CADPS2: variants seen among roughly 807,000 people sequenced by gnomAD.
CADPS2 encodes calcium-dependent secretion activator 2.
Under a neutral mutation model 172.5 loss-of-function variants are expected in CADPS2, and 93 were observed. That is an observed-to-expected ratio of 0.54 (90% CI 0.46 to 0.64). The LOEUF is 0.64. Ranked by LOEUF, CADPS2 falls within the 30% of genes least tolerant of loss-of-function variation. The probability of loss-of-function intolerance (pLI) is 0.00; values close to 1 mark genes in which losing one functional copy is unlikely to be tolerated. For missense variants in CADPS2, 1,420 were observed against 1,565.9 expected (o/e 0.91, Z 1.57); for synonymous variants, 546 against 555.2 (o/e 0.98, Z 0.23).
intron 1 of CADPS2, among the ~76,000 whole-genome samples, chr7:122,810,717 A>C (rs1799842617): frequency 6.6e-6 from 1 of 152,126 alleles, no homozygotes; most frequent in Non-Finnish European, 1.5e-5. Context: ...CAGCTTCATG[A>C]GTAGCTGGGA....
chr7:122,463,314 A>G (rs1437627896), intron 14 of CADPS2, among the ~76,000 whole-genome samples: 1 of 140,414 alleles, frequency 7.1e-6, no homozygotes, highest in Non-Finnish European at 1.5e-5. Flanking sequence ...AAAAATCTTC[A>G]TATTCTTAGA....
chr7:122,846,093 T>C (rs1318390732), intron 1 of CADPS2, among the ~76,000 whole-genome samples: 2 of 152,238 alleles, frequency 1.3e-5, no homozygotes, highest in East Asian at 3.9e-4. Context: ...TTTATTGTAA[T>C]GCAGGGTACT....
chr7:122,802,728 G>A (rs1294028888), intron 1 of CADPS2, among the ~76,000 whole-genome samples: 1 of 152,040 alleles, frequency 6.6e-6, no homozygotes, highest in Non-Finnish European at 1.5e-5. Context: ...AATTCTTAAA[G>A]CACGTGTCTA....
At chr7:122,567,051 G>A (rs1322749628) in intron 7 of CADPS2, among the ~76,000 whole-genome samples, 1 of 152,148 alleles carries the variant, frequency 6.6e-6, no homozygotes, top group Non-Finnish European at 1.5e-5. Flanking sequence ...GGAAAGTGAA[G>A]AGATTGGATT....
chr7:122,368,612 G>C (rs752639074), intron 25 of CADPS2, among the ~76,000 whole-genome samples: 1 of 152,114 alleles, frequency 6.6e-6, no homozygotes, highest in South Asian at 2.1e-4. Flanking sequence ...GCTTTGATTG[G>C]TGTTATATTT....
intron 11 of CADPS2, among the ~76,000 whole-genome samples, chr7:122,484,992 G>A (rs2402613): frequency 0.35 from 52,645 of 151,876 alleles, 9,203 homozygotes; most frequent in Admixed American, 0.37. Flanking sequence ...GTCATCTGTG[G>A]AAAGTGATCT....
chr7:122,392,769 T>G (rs1408327101), intron 22 of CADPS2, among the ~76,000 whole-genome samples: 1 of 152,126 alleles, frequency 6.6e-6, no homozygotes, highest in Admixed American at 6.6e-5. Context: ...AGAAAAATAT[T>G]ATATTCTTGA....
chr7:122,771,171 G>C (rs895307015), intron 1 of CADPS2, among the ~76,000 whole-genome samples: 6 of 152,324 alleles, frequency 3.9e-5, no homozygotes, highest in Admixed American at 3.9e-4. Context: ...AGTAGGAGTT[G>C]ACAGCTGCAG....
intron 6 of CADPS2, among the ~76,000 whole-genome samples, chr7:122,588,619 T>G (rs992362801): frequency 6.6e-6 from 1 of 151,950 alleles, no homozygotes; most frequent in Non-Finnish European, 1.5e-5. Context: ...ACTCAAACAT[T>G]CAGTATTTAT....
At chr7:122,668,441 A>C (rs1299852509) in intron 2 of CADPS2, among the ~76,000 whole-genome samples, 1 of 151,916 alleles carries the variant, frequency 6.6e-6, no homozygotes, top group Non-Finnish European at 1.5e-5. Flanking sequence ...GAAAGAGTCA[A>C]GACAAAATCT....
At chr7:122,812,432 A>G (rs1800240896) in intron 1 of CADPS2, among the ~76,000 whole-genome samples, 1 of 151,284 alleles carries the variant, frequency 6.6e-6, no homozygotes, top group Admixed American at 6.6e-5. Context: ...AGAGAGAGAG[A>G]GAGAGAGCAA....
At chr7:122,353,735 G>A (rs1321346705) in intron 27 of CADPS2, among the ~76,000 whole-genome samples, 1 of 152,190 alleles carries the variant, frequency 6.6e-6, no homozygotes, top group African/African-American at 2.4e-5. Flanking sequence ...CCCACATAAT[G>A]CAGAAATCTT....
chr7:122,467,727 TC>T (rs2055345821), intron 14 of CADPS2, among the ~76,000 whole-genome samples: 1 of 152,156 alleles, frequency 6.6e-6, no homozygotes, highest in Admixed American at 6.5e-5. Flanking sequence ...TGTTGCTGCT[TC>T]AGTTTCTCCA....
intron 8 of CADPS2, among the ~76,000 whole-genome samples, chr7:122,538,039 A>G (rs2062490411): frequency 6.6e-6 from 1 of 151,804 alleles, no homozygotes; most frequent in South Asian, 2.1e-4. Flanking sequence ...AAGGTATTCA[A>G]AAATACCTCC....
At chr7:122,365,518 G>A (rs2040736792) in intron 25 of CADPS2, among the ~76,000 whole-genome samples, 1 of 152,164 alleles carries the variant, frequency 6.6e-6, no homozygotes, top group Non-Finnish European at 1.5e-5. Flanking sequence ...AGATTCCAAA[G>A]AAACCCAGTT....
At chr7:122,884,993 T>C (rs1454990341) in intron 1 of CADPS2, among the ~76,000 whole-genome samples, 1 of 152,242 alleles carries the variant, frequency 6.6e-6, no homozygotes, top group Admixed American at 6.5e-5. Flanking sequence ...TCTGTGCATG[T>C]AGGTATGCCT....
At chr7:122,642,038 G>C (rs559105076) in intron 3 of CADPS2, among the ~76,000 whole-genome samples, 21 of 152,112 alleles carry the variant, frequency 1.4e-4, no homozygotes, top group African/African-American at 4.8e-4. Flanking sequence ...CCAGCACTTT[G>C]GGAAGCTGAG....
intron 3 of CADPS2, among the ~76,000 whole-genome samples, chr7:122,656,926 G>T (rs1050926446): frequency 1.3e-5 from 2 of 152,144 alleles, no homozygotes; most frequent in Non-Finnish European, 2.9e-5. Flanking sequence ...TTCTTCTAGG[G>T]TTTTTATGGT....
chr7:122,636,466 T>A (rs1263173934), intron 3 of CADPS2, among the ~76,000 whole-genome samples: 2 of 85,634 alleles, frequency 2.3e-5, no homozygotes, highest in Non-Finnish European at 6.1e-5. Context: ...AGAGATGTTT[T>A]TTTTTTTTTT....
Sources: allele counts gnomAD v4.1 joint callset (sites outside exome capture counted in the v4.1 genomes callset), GRCh38; gene constraint gnomAD v4.1.1; transcripts MANE v1.5; gene names NCBI Gene and HGNC (gene_info 2026-07-23, HGNC 2026-07-21).